Variants in TAFA1 observed in about 807,000 individuals in gnomAD.
TAFA1 encodes the protein chemokine-like protein TAFA-1.
In TAFA1, 4 loss-of-function variants were observed where a neutral mutation model predicts 18.5. The ratio of observed to expected loss-of-function variants is 0.22; its 90% CI spans 0.11 to 0.49. The LOEUF is 0.49. Among genes scored for constraint, TAFA1 ranks in the 20% least tolerant of loss-of-function variants. TAFA1 has a pLI of 0.98. For synonymous variants in TAFA1, 56 were observed against 55.2 expected (o/e 1.01, Z -0.06); for missense variants, 147 against 169.0 (o/e 0.87, Z 0.72).
At chr3:68,094,399 A>G (rs1318613464) in intron 2 of TAFA1, among the ~76,000 whole-genome samples, 1 of 152,136 alleles carries the variant, frequency 6.6e-6, no homozygotes, top group Non-Finnish European at 1.5e-5. Flanking sequence ...AGTCTATTAT[A>G]TTCCCGGAGG....
chr3:68,175,062 C>T (rs568256422), intron 2 of TAFA1, among the ~76,000 whole-genome samples: 2 of 152,316 alleles, frequency 1.3e-5, no homozygotes, highest in South Asian at 2.1e-4. Flanking sequence ...TGGCAGCTTC[C>T]CCAAGGTGCT....
chr3:68,350,362 G>C (rs1403548065), intron 2 of TAFA1, among the ~76,000 whole-genome samples: 1 of 152,076 alleles, frequency 6.6e-6, no homozygotes, highest in African/African-American at 2.4e-5. Flanking sequence ...TATACACGCT[G>C]TTCTTATTTA....
chr3:68,440,915 A>G (rs956540915), intron 3 of TAFA1, among the ~76,000 whole-genome samples: 1 of 152,118 alleles, frequency 6.6e-6, no homozygotes, highest in African/African-American at 2.4e-5. Flanking sequence ...TTAACTTCCA[A>G]TTTAATGGAA....
intron 2 of TAFA1, among the ~76,000 whole-genome samples, chr3:68,053,350 A>G (rs1682379728): frequency 6.6e-6 from 1 of 152,112 alleles, no homozygotes; most frequent in East Asian, 1.9e-4. Flanking sequence ...TTAAATCTTA[A>G]CAGATGTGAT....
chr3:68,538,232 A>T (rs891577399), intron 3 of TAFA1, among the ~76,000 whole-genome samples: 4 of 152,198 alleles, frequency 2.6e-5, no homozygotes, highest in Non-Finnish European at 4.4e-5. Flanking sequence ...AAAAGTTACA[A>T]ATCTCGCAGC....
chr3:68,081,074 C>G (rs547071251), intron 2 of TAFA1, among the ~76,000 whole-genome samples: 2 of 152,176 alleles, frequency 1.3e-5, no homozygotes, highest in Admixed American at 1.3e-4. Flanking sequence ...CATCTTCCAT[C>G]ACTGATACCC....
intron 2 of TAFA1, among the ~76,000 whole-genome samples, chr3:68,212,361 T>C (rs1208435982): frequency 6.6e-6 from 1 of 151,942 alleles, no homozygotes; most frequent in African/African-American, 2.4e-5. Context: ...TGGCAGCCAT[T>C]GAGAAGTTTT....
chr3:68,159,561 C>A (rs6782344), intron 2 of TAFA1, among the ~76,000 whole-genome samples: 29,182 of 151,992 alleles, frequency 0.19, 3,221 homozygotes, highest in Middle Eastern at 0.29. Context: ...CCTGCTCCCC[C>A]CTTCCTACTT....
chr3:68,535,145 C>T (rs770821006), intron 3 of TAFA1, among the ~76,000 whole-genome samples: 3 of 152,002 alleles, frequency 2.0e-5, no homozygotes, highest in Non-Finnish European at 4.4e-5. Flanking sequence ...AGTGCTTGCC[C>T]AAAGGAAACT....
At chr3:68,245,669 A>G (rs537587087) in intron 2 of TAFA1, among the ~76,000 whole-genome samples, 1 of 152,354 alleles carries the variant, frequency 6.6e-6, no homozygotes, top group South Asian at 2.1e-4. Context: ...TGTCATGGAT[A>G]GAGCAAAAAT....
chr3:68,511,406 G>C (rs913114915), intron 3 of TAFA1, among the ~76,000 whole-genome samples: 5 of 152,034 alleles, frequency 3.3e-5, no homozygotes, highest in Admixed American at 6.6e-5. Flanking sequence ...TAGCAGACAA[G>C]TTGAAATAAA....
chr3:68,513,659 A>G (rs2072881249), intron 3 of TAFA1, among the ~76,000 whole-genome samples: 1 of 152,064 alleles, frequency 6.6e-6, no homozygotes, highest in African/African-American at 2.4e-5. Context: ...CCTATTTCCT[A>G]TTGCCTCGAG....
At chr3:68,202,866 A>T (rs2066484036) in intron 2 of TAFA1, among the ~76,000 whole-genome samples, 1 of 151,666 alleles carries the variant, frequency 6.6e-6, no homozygotes, top group African/African-American at 2.4e-5. Context: ...AAAAACAAAA[A>T]TTTTTATTTT....
chr3:68,231,912 ACATTTTTTC>A (rs2066877207), intron 2 of TAFA1, among the ~76,000 whole-genome samples: 1 of 152,122 alleles, frequency 6.6e-6, no homozygotes, highest in African/African-American at 2.4e-5. Context: ...GAAAAGCCAT[ACATTTTTTC>A]CTTTTATTTT....
intron 2 of TAFA1, among the ~76,000 whole-genome samples, chr3:68,347,245 T>G (rs1481183049): frequency 6.6e-6 from 1 of 152,220 alleles, no homozygotes; most frequent in Non-Finnish European, 1.5e-5. Flanking sequence ...CTTTACCAGT[T>G]CACAGGGATG....
intron 2 of TAFA1, among the ~76,000 whole-genome samples, chr3:68,308,953 C>T (rs1369903335): frequency 6.6e-6 from 1 of 152,142 alleles, no homozygotes; most frequent in Non-Finnish European, 1.5e-5. Flanking sequence ...CTTGCTTCTC[C>T]AGTATGTTAC....
At chr3:68,538,672 G>T (rs552842868) in intron 3 of TAFA1, 84 bp from the exon 4 acceptor site, 1 of 1,405,492 alleles carries the variant, frequency 7.1e-7, no homozygotes, top group Non-Finnish European at 9.9e-7. Flanking sequence ...TTCCAAGAAC[G>T]TGAAAATCTG....
chr3:68,412,261 C>T (rs952552000), intron 2 of TAFA1, among the ~76,000 whole-genome samples: 4 of 151,928 alleles, frequency 2.6e-5, no homozygotes, highest in African/African-American at 9.7e-5. Flanking sequence ...GGAAAGAGCA[C>T]TGTATATGGG....
intron 3 of TAFA1, among the ~76,000 whole-genome samples, chr3:68,453,889 G>A (rs1369961241): frequency 1.3e-5 from 2 of 152,108 alleles, no homozygotes; most frequent in African/African-American, 2.4e-5. Flanking sequence ...AACTTCTAGG[G>A]CCTCTCACCT....
Sources: gnomAD v4.1 joint callset for allele counts (sites outside exome capture counted in the v4.1 genomes callset) on GRCh38, gnomAD v4.1.1 for gene constraint, MANE v1.5 for transcripts, NCBI Gene and HGNC (gene_info 2026-07-23, HGNC 2026-07-21) for gene names.